The following SSR3 variants were observed in gnomAD, a reference collection of about 807,000 sequenced individuals.
The protein encoded by SSR3 is translocon-associated protein subunit gamma.
Under a neutral mutation model 22.1 loss-of-function variants are expected in SSR3, and 10 were observed. The observed-to-expected ratio is 0.45, with a 90% confidence interval of 0.28 to 0.77. The LOEUF (loss-of-function observed/expected upper bound fraction) is 0.77, where lower values mean the gene tolerates loss of function less well. SSR3 is among the 30% of genes least tolerant of loss of function. The pLI is 0.13. For missense variants in SSR3, 181 were observed against 220.5 expected, an observed-to-expected ratio of 0.82 and a Z score of 1.13; for synonymous variants, 104 against 82.5, an observed-to-expected ratio of 1.26 and a Z score of -1.42.
chr3:156,539,913 C>T lies in SSR3; in HGVS notation c.*3290G>A, dbSNP rs1432068715. The stretch of plus-strand genomic sequence containing the variant: ...TCAATGCCTTTCATTGCCTCACATA[C>T]ATTTGATTGGTAACTACAAAGATGT... On this transcript the variant is annotated 3_prime_UTR_variant, in exon 5 of 5. Coordinates refer to ENST00000265044, the MANE Select transcript of SSR3 (RefSeq NM_007107.5). Among the ~76,000 whole-genome samples the T allele has an allele frequency of 1.3e-5, 2 of 152,112 alleles. No individual in the cohort carries two copies. Among genetic ancestry groups the T allele is most frequent in the Non-Finnish European group, 2.9e-5 (2 of 68,032 alleles).
In SSR3 at chr3:156,540,704, A is replaced by C. The variant is rs1250018321; in HGVS notation, c.*2499T>G. ...GTAAATGAAAATGTTATAACACTTT[A>C]GTGCTATTTATGAGTATGAACAAAG... is the stretch of plus-strand genomic sequence containing the variant. On this transcript the variant is annotated 3_prime_UTR_variant, in exon 5 of 5. Coordinates refer to ENST00000265044, the MANE Select transcript of SSR3 (RefSeq NM_007107.5). 6.6e-6 allele frequency: 1 copy of C among 151,940 alleles called. No individual in the cohort carries two copies. The highest frequency in any genetic ancestry group is 1.5e-5 in the Non-Finnish European group (1 of 67,984). The allele number at this position is 151,940 out of a possible 1,614,324, so 9.4% of individuals were successfully genotyped here.
chr3:156,549,185 C>A, intron 2 of SSR3, 182 bp from the exon 3 acceptor site: 1 of 498,694 alleles, frequency 2.0e-6, no homozygotes, highest in Non-Finnish European at 3.3e-6. Context: ...AAGAGAAGTT[C>A]GAGAAATGTC....
chr3:156,554,920 G>A (rs750068583), intron 1 of SSR3, 37 bp downstream of exon 1: 9 of 1,597,382 alleles, frequency 5.6e-6, no homozygotes, highest in Admixed American at 1.7e-5. Context: ...CCGACTAGCC[G>A]GCGGCCTGCC....
chr3:156,548,489 TCTG>T (rs1719838782), intron 3 of SSR3, among the ~76,000 whole-genome samples: 1 of 152,240 alleles, frequency 6.6e-6, no homozygotes, highest in South Asian at 2.1e-4. Flanking sequence ...CAAAGCCTGC[TCTG>T]TACAAAGCTC....
intron 4 of SSR3, 198 bp downstream of exon 4, chr3:156,544,110 T>C: frequency 4.5e-6 from 2 of 446,090 alleles, no homozygotes; most frequent in East Asian, 6.9e-5. Flanking sequence ...CATACAGTCA[T>C]AATTCATAAA....
rs1355024305 is a variant in SSR3, at chr3:156,555,072, G to A, written c.18C>T (p.Ser6=). The A allele has an allele frequency of 5.6e-6, 9 of 1,613,710 alleles. No homozygotes were observed. Among genetic ancestry groups the A allele is most frequent in the South Asian group, 2.2e-5 (2 of 91,090 alleles). MAPKG[S]SKQQSEEDLL... ...GGTCCTCCTCAGACTGCTGTTTGGA[G>A]CTGCCTTTAGGAGCCATGGCGGAGC... is the stretch of plus-strand genomic sequence containing the variant. Residue 6 remains serine, a synonymous_variant, in exon 1 of 5, where the codon AGC becomes AGT. Transcript: ENST00000265044.
At position 156,554,756 on chromosome 3, in the gene SSR3, C is replaced by T. The variant is rs550963537; in HGVS notation, c.133+201G>A. On this transcript the variant is annotated intron_variant, in intron 1 of 4. Coordinates refer to ENST00000265044, the MANE Select transcript of SSR3 (RefSeq NM_007107.5). ...GCGTACTTTTAACAAGTGACCTCCC[C>T]GAGTGCTGCACAGGACAATCCCAAG... 5.9e-3 allele frequency: 3,832 copies of T among 648,498 alleles called. 39 individuals carry two copies. Among genetic ancestry groups the T allele is most frequent in the South Asian group, 0.025 (1,235 of 49,194 alleles). 40.2% of individuals were successfully genotyped at this position (648,498 alleles called of 1,614,324 possible).
At chr3:156,543,339 A>G in intron 4 of SSR3, 70 bp from the exon 5 acceptor site, 1 of 1,199,476 alleles carries the variant, frequency 8.3e-7, no homozygotes, top group Non-Finnish European at 1.2e-6. Context: ...TAAAGAGCCC[A>G]TCTCTTTGGA....
chr3:156,551,411 G>C (rs1028123080), intron 2 of SSR3: 7 of 152,202 alleles, frequency 4.6e-5, no homozygotes, highest in African/African-American at 7.2e-5. Flanking sequence ...ATGCCCACTT[G>C]TGAGGGCTTC....
chr3:156,551,569 C>T (rs1719957305), intron 2 of SSR3: 1 of 152,194 alleles, frequency 6.6e-6, no homozygotes, highest in Non-Finnish European at 1.5e-5. Flanking sequence ...TCCATCAGAA[C>T]AGCAGCCACG....
intron 2 of SSR3, among the ~76,000 whole-genome samples, chr3:156,552,293 G>C (rs1387833343): frequency 6.9e-6 from 1 of 144,366 alleles, no homozygotes; most frequent in Non-Finnish European, 1.5e-5. Context: ...AACAGAGTGA[G>C]AGTCTGTCTC....
Position 156,555,069 on chromosome 3 carries a change from G to A in SSR3, c.21C>T (p.Ser7=). The A allele has an allele frequency of 1.7e-5, 28 of 1,613,886 alleles. No homozygotes were observed. The highest frequency in any genetic ancestry group is 2.3e-5 in the Non-Finnish European group (27 of 1,179,946). The change falls in exon 1 of 5, where the codon TCC becomes TCT. Residue 7 remains serine, a synonymous_variant. Coordinates refer to ENST00000265044, the MANE Select transcript of SSR3 (RefSeq NM_007107.5). The part of the protein sequence containing the change: MAPKGS[S]KQQSEEDLLL... Reference sequence around the variant, plus strand: ...GCAGGTCCTCCTCAGACTGCTGTTTGGAGCTGCCTTTAGGAGCCATGGCGG... The same window carrying A: ...GCAGGTCCTCCTCAGACTGCTGTTTAGAGCTGCCTTTAGGAGCCATGGCGG...
intron 4 of SSR3, 174 bp downstream of exon 4, chr3:156,544,134 T>TA: frequency 4.3e-6 from 2 of 468,752 alleles, no homozygotes; most frequent in Non-Finnish European, 7.2e-6. Context: ...AAAAGAATCT[T>TA]AAACCAATAG....
intron 2 of SSR3, among the ~76,000 whole-genome samples, chr3:156,549,912 G>C (rs186943008): frequency 9.2e-5 from 14 of 152,212 alleles, no homozygotes; most frequent in Admixed American, 2.0e-4. Flanking sequence ...CTTTTTAAGA[G>C]ACACTTTAGG....
At chr3:156,543,528 A>T (rs1179692669) in intron 4 of SSR3, among the ~76,000 whole-genome samples, 1 of 152,210 alleles carries the variant, frequency 6.6e-6, no homozygotes, top group Non-Finnish European at 1.5e-5. Flanking sequence ...ACAAAGAATA[A>T]TCTGAATTCC....
chr3:156,554,872 T>C, intron 1 of SSR3, 85 bp downstream of exon 1: 1 of 1,526,452 alleles, frequency 6.6e-7, no homozygotes, highest in South Asian at 1.2e-5. Flanking sequence ...CACCCACGCC[T>C]TCCCTGCTCG....
At chr3:156,549,104 GA>G in intron 2 of SSR3, 101 bp from the exon 3 acceptor site, 1 of 1,145,516 alleles carries the variant, frequency 8.7e-7, no homozygotes, top group Admixed American at 2.9e-5. Flanking sequence ...ACTGGCAACA[GA>G]ATGATATTTC....
intron 2 of SSR3, 135 bp from the exon 3 acceptor site, chr3:156,549,138 G>A (rs1719862864): frequency 3.2e-6 from 3 of 949,984 alleles, no homozygotes; most frequent in Non-Finnish European, 1.5e-6. Context: ...AAGAAGCTGA[G>A]CAGAAAGTTC....
chr3:156,543,527 A>G (rs1476183532), intron 4 of SSR3, among the ~76,000 whole-genome samples: 1 of 152,228 alleles, frequency 6.6e-6, no homozygotes, highest in Non-Finnish European at 1.5e-5. Context: ...CACAAAGAAT[A>G]ATCTGAATTC....
Sources: gnomAD v4.1 joint callset for allele counts (sites outside exome capture counted in the v4.1 genomes callset) on GRCh38, gnomAD v4.1.1 for gene constraint, MANE v1.5 for transcripts, NCBI Gene and HGNC (gene_info 2026-07-23, HGNC 2026-07-21) for gene names.